The following ZNF469 variants were observed in gnomAD, a reference collection of about 807,000 sequenced individuals.
ZNF469 encodes zinc finger protein 469.
In ZNF469, 1 loss-of-function variant was observed where a neutral mutation model predicts 1.0. The observed-to-expected ratio is 1.00, with a 90% CI of 0.35 to 4.73. ZNF469 has a LOEUF of 4.73. Among genes scored for constraint, ZNF469 ranks in the 30% most tolerant of loss-of-function variants. The probability of loss-of-function intolerance (pLI) is 0.16; values close to 1 mark genes in which losing one functional copy is unlikely to be tolerated. For missense variants in ZNF469, 6,100 were observed against 5,356.3 expected (o/e 1.14, Z -4.33); for synonymous variants, 2,703 against 2,363.4 (o/e 1.14, Z -4.17).
the ZNF469 span, among the ~76,000 whole-genome samples, chr16:88,256,892 T>C: frequency 4.3e-5 from 2 of 46,868 alleles, no homozygotes; most frequent in African/African-American, 1.8e-4. Flanking sequence ...TTTCTTTTCT[T>C]TCCTTCTTTC....
At chr16:88,163,503 TGGATGGATGGA>T in the ZNF469 span, among the ~76,000 whole-genome samples, 1 of 87,202 alleles carries the variant, frequency 1.1e-5, no homozygotes, top group African/African-American at 4.4e-5. Flanking sequence ...GATGAATGGA[TGGATGGATGGA>T]TGGATGGATG....
chr16:88,299,690 T>G, the ZNF469 span, among the ~76,000 whole-genome samples: 8 of 151,982 alleles, frequency 5.3e-5, no homozygotes, highest in Non-Finnish European at 5.9e-5. Context: ...CTGCCCCACC[T>G]GGATGAGCTG....
chr16:88,411,124 G>T (rs1905148810), intron 1 of ZNF469, among the ~76,000 whole-genome samples: 1 of 152,198 alleles, frequency 6.6e-6, no homozygotes, highest in Non-Finnish European at 1.5e-5. Flanking sequence ...TCTAGGTAAG[G>T]TCACATTCGT....
At position 88,383,004 on chromosome 16, in the gene ZNF469, C is replaced by T. The variant is rs1481963030; in HGVS notation, c.-442C>T. On this transcript the variant is annotated 5_prime_UTR_variant, in exon 1 of 3. Coordinates refer to ENST00000565624, the MANE Select transcript of ZNF469 (RefSeq NM_001367624.2). ...GGCGTCCGGCCTTCCCAGCACCCGG[C>T]CCAGGGCTGGAGCTGGCTGCAGGGC... 6.6e-6 allele frequency among the ~76,000 whole-genome samples: 1 copy of T among 151,878 alleles called. No individual in the cohort carries two copies. The highest frequency in any genetic ancestry group is 6.6e-5 in the Admixed American group (1 of 15,250).
rs548364632 is a variant in ZNF469, at chr16:88,383,153, G to C, written c.-293G>C. Among the ~76,000 whole-genome samples, 2 of 148,230 alleles carry C rather than the reference G, an allele frequency of 1.3e-5. No homozygotes were observed. The highest frequency in any genetic ancestry group is 3.0e-5 in the Non-Finnish European group (2 of 66,522). ...GGGCGGCCCGGGCGGGCCTGCGGTC[G>C]GGATGAGGACGGCGCCTCCGCTGCA... On this transcript the variant is annotated 5_prime_UTR_variant, in exon 1 of 3. Transcript: ENST00000565624.
At chr16:88,217,077 C>T in the ZNF469 span, among the ~76,000 whole-genome samples, 1 of 152,208 alleles carries the variant, frequency 6.6e-6, no homozygotes, top group Non-Finnish European at 1.5e-5. Flanking sequence ...GTATCTGCTT[C>T]TAAGTTGTGT....
chr16:88,201,019 C>A, the ZNF469 span, among the ~76,000 whole-genome samples: 1 of 152,206 alleles, frequency 6.6e-6, no homozygotes, highest in African/African-American at 2.4e-5. This position sits in a 1 kb window ranked among gnomAD's most constrained non-coding sequence, Gnocchi z 5.0. Flanking sequence ...TCTTTGGGAC[C>A]ACGTCATCAA....
Position 88,407,024 on chromosome 16 carries a change from C to A in ZNF469, c.-191-17783C>A, listed in dbSNP as rs538625943. Among the ~76,000 whole-genome samples, 8 of 152,320 alleles carry A rather than the reference C, an allele frequency of 5.3e-5. No homozygotes were observed. The South Asian group carries it at 1.0e-3, about 20-fold the overall frequency. The stretch of plus-strand genomic sequence containing the variant: ...GTTTTAAGAGACCAGGAGATCGCGC[C>A]TGTGATACTGGGGACAGTGCTTATC... On this transcript the variant is annotated intron_variant, in intron 1 of 2. Transcript: ENST00000565624.
chr16:88,174,061 C>T, the ZNF469 span, among the ~76,000 whole-genome samples: 1 of 151,958 alleles, frequency 6.6e-6, no homozygotes, highest in Non-Finnish European at 1.5e-5. Flanking sequence ...TTGTAAGATA[C>T]AGTAAAGAAG....
the ZNF469 span, among the ~76,000 whole-genome samples, chr16:88,342,600 C>A: frequency 6.6e-6 from 1 of 152,212 alleles, no homozygotes; most frequent in Non-Finnish European, 1.5e-5. Context: ...CCTCTCGGAC[C>A]TCCTGCCAGG....
chr16:88,192,811 A>ACGGTGATGGTGG, the ZNF469 span, among the ~76,000 whole-genome samples: 147 of 49,432 alleles, frequency 3.0e-3, no homozygotes, highest in South Asian at 6.6e-3. Context: ...GATGGTAATG[A>ACGGTGATGGTGG]TGGTGATGGT....
the ZNF469 span, among the ~76,000 whole-genome samples, chr16:88,300,628 G>T: frequency 6.6e-6 from 1 of 152,090 alleles, no homozygotes; most frequent in East Asian, 1.9e-4. Flanking sequence ...CACTTGCATA[G>T]AGCACGTGAT....
chr16:88,111,322 A>G, the ZNF469 span, among the ~76,000 whole-genome samples: 3 of 152,186 alleles, frequency 2.0e-5, no homozygotes, highest in Admixed American at 2.0e-4. Flanking sequence ...TGACACAAGC[A>G]TGCAAGGTGT....
intron 1 of ZNF469, among the ~76,000 whole-genome samples, chr16:88,386,359 C>T (rs916866372): frequency 2.6e-5 from 4 of 152,112 alleles, no homozygotes; most frequent in African/African-American, 9.7e-5. Context: ...CTCTTCCCGC[C>T]TCCTGCCCGG....
chr16:88,414,596 G>A (rs914653599), intron 1 of ZNF469, among the ~76,000 whole-genome samples: 7 of 152,244 alleles, frequency 4.6e-5, no homozygotes, highest in Non-Finnish European at 8.8e-5. Flanking sequence ...ACGGCAGGAG[G>A]GTCCGAGGGA....
the ZNF469 span, among the ~76,000 whole-genome samples, chr16:88,174,861 G>C: frequency 1.3e-5 from 2 of 152,118 alleles, no homozygotes; most frequent in Non-Finnish European, 2.9e-5. Context: ...CGTAGTTTCT[G>C]GGGAGTCAAA....
the ZNF469 span, among the ~76,000 whole-genome samples, chr16:88,247,452 ATG>A: frequency 1.3e-5 from 2 of 149,354 alleles, no homozygotes; most frequent in Middle Eastern, 3.2e-3. Flanking sequence ...AAGTGAGTGA[ATG>A]AGTGAATGAA....
chr16:88,283,256 A>G, the ZNF469 span, among the ~76,000 whole-genome samples: 1 of 152,030 alleles, frequency 6.6e-6, no homozygotes, highest in Non-Finnish European at 1.5e-5. Context: ...CTCTGTCAGA[A>G]CCCATTGACT....
At chr16:88,296,091 T>C in the ZNF469 span, among the ~76,000 whole-genome samples, 1 of 152,186 alleles carries the variant, frequency 6.6e-6, no homozygotes, top group South Asian at 2.1e-4. Flanking sequence ...GCTGCGCCTT[T>C]GCAGGGCCCC....
Sources: gnomAD v4.1 joint callset for allele counts (sites outside exome capture counted in the v4.1 genomes callset) on GRCh38, gnomAD v4.1.1 for gene constraint, Gnocchi (gnomAD v3.1) non-coding constraint, MANE v1.5 for transcripts, NCBI Gene and HGNC (gene_info 2026-07-23, HGNC 2026-07-21) for gene names.